Variants in CCN3 observed in about 807,000 individuals in gnomAD.
CCN3 encodes CCN family member 3.
A neutral mutation model predicts 33.4 loss-of-function variants in CCN3; 20 were observed. That is an observed-to-expected ratio of 0.60 (90% confidence interval 0.42 to 0.87). CCN3 has a LOEUF of 0.87. Among genes scored for constraint, CCN3 ranks in the 40% least tolerant of loss-of-function variants. The pLI, the probability that CCN3 is intolerant of heterozygous loss-of-function variation, is 0.00. For synonymous variants in CCN3, 205 were observed against 170.4 expected, an observed-to-expected ratio of 1.20 and a Z score of -1.58; for missense variants, 465 against 455.3, an observed-to-expected ratio of 1.02 and a Z score of -0.19.
At position 119,418,269 on chromosome 8, in the gene CCN3, C is replaced by T. The variant is rs143697930; in HGVS notation, c.522C>T (p.Gly174=). 6.2e-7 allele frequency: 1 copy of T among 1,614,108 alleles called. No individual in the cohort carries two copies. The highest frequency in any genetic ancestry group is 8.5e-7 in the Non-Finnish European group (1 of 1,180,034). ...AGTGCTGTGAAAAGTGGATCTGTGG[C>T]CCAGATGAGGAGGATTCACTGGGAG... ...PGECCEKWIC[G]PDEEDSLGGL... The change falls in exon 3 of 5, where the codon GGC becomes GGT. Residue 174 remains glycine, a synonymous_variant. Coordinates refer to ENST00000259526, the MANE Select transcript of CCN3 (RefSeq NM_002514.4).
At chr8:119,419,930 T>C (rs1563616786) in intron 4 of CCN3, 1 of 152,894 alleles carries the variant, frequency 6.5e-6, no homozygotes, top group Non-Finnish European at 1.5e-5. Flanking sequence ...CATATCTTTT[T>C]ATTTTTTTTT....
At chr8:119,421,070 G>C (rs928598809) in intron 4 of CCN3, among the ~76,000 whole-genome samples, 5 of 132,174 alleles carry the variant, frequency 3.8e-5, no homozygotes, top group South Asian at 2.4e-4. Flanking sequence ...CCAAGCTGGA[G>C]TGCAGTGGCA....
At chr8:119,417,968 C>T in intron 2 of CCN3, 90 bp from the exon 3 acceptor site, 2 of 1,347,808 alleles carry the variant, frequency 1.5e-6, no homozygotes, top group South Asian at 1.4e-5. Context: ...TGGAACATGC[C>T]CTCCAAATCT....
At chr8:119,421,936 A>T (rs534357473) in intron 4 of CCN3, among the ~76,000 whole-genome samples, 1 of 152,352 alleles carries the variant, frequency 6.6e-6, no homozygotes, top group East Asian at 1.9e-4. Flanking sequence ...TGAAACATAA[A>T]ATAATGCCAG....
In CCN3 at chr8:119,423,311, A is replaced by T; in HGVS notation, c.*179A>T. The T allele has an allele frequency of 1.7e-6, 1 of 575,926 alleles. No individual in the cohort carries two copies. Among genetic ancestry groups the T allele is most frequent in the Admixed American group, 3.2e-5 (1 of 31,248 alleles). The allele number at this position is 575,926 out of a possible 1,614,324, so 35.7% of individuals were successfully genotyped here. A position where few individuals can be genotyped will look rare whatever the true frequency, so the allele number is the denominator to read the frequency against. The stretch of plus-strand genomic sequence containing the variant: ...TTTTATTTAACAAAAAATGTAATTA[A>T]CTGTAAACTTGGAATCAAGGTAAGC... On this transcript the variant is annotated 3_prime_UTR_variant, in exon 5 of 5. Coordinates refer to ENST00000259526, the MANE Select transcript of CCN3 (RefSeq NM_002514.4).
intron 4 of CCN3, among the ~76,000 whole-genome samples, chr8:119,422,365 G>C (rs1026216427): frequency 6.6e-6 from 1 of 152,120 alleles, no homozygotes; most frequent in African/African-American, 2.4e-5. Context: ...AGAGATTTGG[G>C]TATGAACACA....
rs1174612239 is a variant in CCN3, at chr8:119,416,535, GC to G, written c.4del (p.Gln2ArgfsTer17). 1.9e-6 allele frequency: 3 copies of G among 1,613,802 alleles called. No individual in the cohort carries two copies. The African/African-American group carries it at 4.0e-5, about 21-fold the overall frequency. ...AAGCGAGAGGGGAAAGCCTGAGCATGCAGAGTGTGCAGAGCACGAGCTTTTG... is the reference window on the plus strand; with the variant it reads ...AAGCGAGAGGGGAAAGCCTGAGCATGAGAGTGTGCAGAGCACGAGCTTTTG... The part of the protein sequence containing the change: M[Q>X]SVQSTSFCLR... On this transcript the variant is annotated frameshift_variant, in exon 1 of 5. Coordinates refer to ENST00000259526, the MANE Select transcript of CCN3 (RefSeq NM_002514.4). LOFTEE classifies it high-confidence loss of function.
At chr8:119,418,441 G>T in intron 3 of CCN3, 132 bp downstream of exon 3, 1 of 1,135,552 alleles carries the variant, frequency 8.8e-7, no homozygotes, top group Non-Finnish European at 1.2e-6. Context: ...GTTTCAGGTT[G>T]CCCACTGAGA....
intron 2 of CCN3, among the ~76,000 whole-genome samples, chr8:119,417,469 A>C (rs1190157970): frequency 1.3e-5 from 2 of 152,204 alleles, no homozygotes; most frequent in Non-Finnish European, 2.9e-5. Flanking sequence ...AAGTAAAATA[A>C]AATGCAGGCA....
At chr8:119,417,240 A>T (rs1820063580) in intron 2 of CCN3, 2 of 428,368 alleles carry the variant, frequency 4.7e-6, no homozygotes, top group Admixed American at 4.1e-5. Flanking sequence ...GCAAAGGGGG[A>T]GCCACGCAGA....
At chr8:119,419,051 T>G (rs896746881) in intron 3 of CCN3, 80 bp from the exon 4 acceptor site, 1 of 1,112,412 alleles carries the variant, frequency 9.0e-7, no homozygotes, top group Admixed American at 1.8e-5. Flanking sequence ...AGACCCAGTT[T>G]CTAATAATGG....
Position 119,419,197 on chromosome 8 carries a change from C to A in CCN3, c.629C>A (p.Thr210Asn), listed in dbSNP as rs773226022. 1 of 1,614,098 alleles carries A rather than the reference C, an allele frequency of 6.2e-7. No individual in the cohort carries two copies. Among genetic ancestry groups the A allele is most frequent in the Non-Finnish European group, 8.5e-7 (1 of 1,180,048 alleles). Residue 210 changes from threonine to asparagine, a missense_variant, in exon 4 of 5, where the codon ACC becomes AAC. Coordinates refer to ENST00000259526, the MANE Select transcript of CCN3 (RefSeq NM_002514.4). ...TCAAGTGTCAACTGCATTGAACAGA[C>A]CACAGAGTGGACAGCATGCTCCAAG... ...SDSSVNCIEQTTEWTACSKSC... is the reference protein window; with the variant it reads ...SDSSVNCIEQNTEWTACSKSC...
rs574724230 is a variant in CCN3, at chr8:119,423,573, A to G, written c.*441A>G. ...GTATTACAACCATATATTGAGGTTCATTGGGAAGATTCTCTATTGGCTCCC... is the reference window on the plus strand; with the variant it reads ...GTATTACAACCATATATTGAGGTTCGTTGGGAAGATTCTCTATTGGCTCCC... On this transcript the variant is annotated 3_prime_UTR_variant, in exon 5 of 5. Coordinates refer to ENST00000259526, the MANE Select transcript of CCN3 (RefSeq NM_002514.4). 6.5e-6 allele frequency: 1 copy of G among 153,746 alleles called. No individual in the cohort carries two copies. The highest frequency in any genetic ancestry group is 2.4e-5 in the African/African-American group (1 of 41,592). 9.5% of individuals were successfully genotyped at this position (153,746 alleles called of 1,614,324 possible).
At chr8:119,419,500 G>A (rs900588754) in intron 4 of CCN3, among the ~76,000 whole-genome samples, 155 bp downstream of exon 4, 1 of 152,250 alleles carries the variant, frequency 6.6e-6, no homozygotes, top group African/African-American at 2.4e-5. Flanking sequence ...CTTGAAGCCA[G>A]CCTATCTTCT....
Position 119,416,633 on chromosome 8 carries a change from T to G in CCN3, c.84+17T>G, listed in dbSNP as rs1326749629. On this transcript the variant is annotated intron_variant, in intron 1 of 4. Transcript: ENST00000259526. ...CTGGGACAGGTAAGTGGCACACCCT[T>G]AAGATGCCCCCAAGTTACTTTGCCC... 2 of 1,611,518 alleles carry G rather than the reference T, an allele frequency of 1.2e-6. No homozygotes were observed. Among genetic ancestry groups the G allele is most frequent in the Admixed American group, 3.3e-5 (2 of 59,780 alleles).
At position 119,418,044 on chromosome 8, in the gene CCN3, C is replaced by T. The variant is rs770481550; in HGVS notation, c.311-14C>T. 2 of 1,603,218 alleles carry T rather than the reference C, an allele frequency of 1.2e-6. No homozygotes were observed. The highest frequency in any genetic ancestry group is 2.2e-5 in the East Asian group (1 of 44,624). On this transcript the variant is annotated splice_polypyrimidine_tract_variant and intron_variant, in intron 2 of 4. Coordinates refer to ENST00000259526, the MANE Select transcript of CCN3 (RefSeq NM_002514.4). Reference sequence around the variant, plus strand: ...TTCCTCTTTGCTTTTCACTTTGCTTCCCCAATATTCTAGCGGTAGAGGGAG... The same window carrying T: ...TTCCTCTTTGCTTTTCACTTTGCTTTCCCAATATTCTAGCGGTAGAGGGAG...
At chr8:119,422,523 A>G (rs1820138451) in intron 4 of CCN3, among the ~76,000 whole-genome samples, 2 of 152,218 alleles carry the variant, frequency 1.3e-5, no homozygotes, top group African/African-American at 2.4e-5. Flanking sequence ...ACAATTAGGC[A>G]AGGTGTTTAC....
chr8:119,422,650 C>G (rs1271408773), intron 4 of CCN3, among the ~76,000 whole-genome samples, 186 bp from the exon 5 acceptor site: 1 of 152,160 alleles, frequency 6.6e-6, no homozygotes, highest in Non-Finnish European at 1.5e-5. Flanking sequence ...ATCCCAAGTC[C>G]CACATAGTCT....
At position 119,419,501 on chromosome 8, in the gene CCN3, C is replaced by G. The variant is rs144831523; in HGVS notation, c.777+156C>G. ...AAGGCAGTGGGGTTCTTGAAGCCAG[C>G]CTATCTTCTTTTTTCTCTTTAACAT... On this transcript the variant is annotated intron_variant, in intron 4 of 4. Transcript: ENST00000259526. Among the ~76,000 whole-genome samples, 511 of 152,310 alleles carry G rather than the reference C, an allele frequency of 3.4e-3. 1 individual carries two copies. Among genetic ancestry groups the G allele is most frequent in the Middle Eastern group, 0.014 (4 of 294 alleles).
Sources: gnomAD v4.1 joint callset for allele counts (sites outside exome capture counted in the v4.1 genomes callset) on GRCh38, gnomAD v4.1.1 for gene constraint, MANE v1.5 for transcripts, NCBI Gene and HGNC (gene_info 2026-07-23, HGNC 2026-07-21) for gene names.